Variants in ZSCAN5A observed in about 807,000 individuals in gnomAD.
The protein encoded by ZSCAN5A is zinc finger and SCAN domain-containing protein 5A.
A neutral mutation model predicts 23.7 loss-of-function variants in ZSCAN5A; 12 were observed. That is an observed-to-expected ratio of 0.51 (90% CI 0.32 to 0.82). ZSCAN5A has a LOEUF of 0.82. Ranked by LOEUF, ZSCAN5A falls within the 40% of genes least tolerant of loss-of-function variation. The pLI, the probability that ZSCAN5A is intolerant of heterozygous loss-of-function variation, is 0.03. For missense variants in ZSCAN5A, 597 were observed against 617.9 expected (o/e 0.97, Z 0.36); for synonymous variants, 257 against 239.9 (o/e 1.07, Z -0.66).
At chr19:56,238,087 C>T (rs933928070) in intron 2 of ZSCAN5A, among the ~76,000 whole-genome samples, 1 of 66,478 alleles carries the variant, frequency 1.5e-5, no homozygotes, top group African/African-American at 5.2e-5. Context: ...CAGAGACACA[C>T]CCGGACACAC....
intron 2 of ZSCAN5A, among the ~76,000 whole-genome samples, chr19:56,301,084 C>A (rs1182858755): frequency 6.6e-6 from 1 of 152,020 alleles, no homozygotes; most frequent in Non-Finnish European, 1.5e-5. Flanking sequence ...GGGTCCCGAT[C>A]AAGACCCCCA....
chr19:56,252,687 C>T (rs1005096587), intron 2 of ZSCAN5A, among the ~76,000 whole-genome samples: 16 of 152,166 alleles, frequency 1.1e-4, no homozygotes, highest in African/African-American at 3.9e-4. Context: ...TTTTAATAAT[C>T]CCAAGGAAAG....
chr19:56,224,555 G>A (rs536283125), intron 3 of ZSCAN5A, 108 bp downstream of exon 3: 2 of 1,375,132 alleles, frequency 1.5e-6, no homozygotes, highest in East Asian at 2.3e-5. Flanking sequence ...TCCTCTACTT[G>A]GAAGCCCTGA....
intron 2 of ZSCAN5A, among the ~76,000 whole-genome samples, chr19:56,239,529 G>A (rs959578837): frequency 2.6e-5 from 4 of 152,224 alleles, no homozygotes; most frequent in African/African-American, 9.6e-5. Flanking sequence ...CCGTCCTGGA[G>A]TGAGTGCAGA....
chr19:56,337,092 C>A (rs995224054), intron 2 of ZSCAN5A, among the ~76,000 whole-genome samples: 1 of 152,204 alleles, frequency 6.6e-6, no homozygotes, highest in Non-Finnish European at 1.5e-5. Flanking sequence ...CTGGGAGAAC[C>A]ACTACTCTCT....
At chr19:56,254,822 T>C (rs377087693) in intron 2 of ZSCAN5A, among the ~76,000 whole-genome samples, 13 of 152,314 alleles carry the variant, frequency 8.5e-5, no homozygotes, top group African/African-American at 2.9e-4. Flanking sequence ...CTTGTGTCTG[T>C]TGGCCATTTG....
chr19:56,238,448 T>C (rs961421645), intron 2 of ZSCAN5A, among the ~76,000 whole-genome samples: 1 of 152,232 alleles, frequency 6.6e-6, no homozygotes, highest in Non-Finnish European at 1.5e-5. Flanking sequence ...GGCAACACAG[T>C]GATACCCCCA....
At chr19:56,268,212 G>A (rs971780114) in intron 2 of ZSCAN5A, among the ~76,000 whole-genome samples, 4 of 152,224 alleles carry the variant, frequency 2.6e-5, no homozygotes, top group African/African-American at 7.2e-5. Context: ...ACTCCTTGGG[G>A]GTTGGGAAGC....
At chr19:56,318,485 T>C (rs1312413685), upstream of ZSCAN5A, among the ~76,000 whole-genome samples, 1 of 152,200 alleles carries the variant, frequency 6.6e-6, no homozygotes. Flanking sequence ...GTGCCACATA[T>C]GAAAACATGC....
chr19:56,334,989 A>C (rs2041521648), intron 2 of ZSCAN5A, among the ~76,000 whole-genome samples: 1 of 152,210 alleles, frequency 6.6e-6, no homozygotes, highest in Admixed American at 6.5e-5. Flanking sequence ...GGATAAAAAC[A>C]AACTTCACTG....
intron 2 of ZSCAN5A, chr19:56,341,127 A>T (rs2147448575): frequency 6.6e-6 from 1 of 152,334 alleles, no homozygotes; most frequent in Admixed American, 6.5e-5. Flanking sequence ...ACAAGTATCA[A>T]TAGCCAAATT....
chr19:56,306,361 C>G (rs1201427132), intron 2 of ZSCAN5A, among the ~76,000 whole-genome samples: 1 of 113,856 alleles, frequency 8.8e-6, no homozygotes, highest in East Asian at 2.7e-4. Context: ...TACAAAGAGG[C>G]TCCTCCCTGG....
chr19:56,244,094 CCT>C lies in ZSCAN5A; in HGVS notation c.-127-18923_-127-18922del, dbSNP rs1240028805. On this transcript the variant is annotated intron_variant, in intron 2 of 5. Transcript: ENST00000683990. ...GGGTCAGGGAGGACCCTGCAACAGC[CCT>C]GAGTCAGAGCCGCCACAGTCTGTGG... The C allele has an allele frequency of 1.8e-5, 25 of 1,411,436 alleles. No individual in the cohort carries two copies. In the Admixed American group the frequency reaches 4.4e-4, roughly 25 times the overall value. 87.4% of individuals were successfully genotyped at this position (1,411,436 alleles called of 1,614,324 possible). A position where few individuals can be genotyped will look rare whatever the true frequency, so the allele number is the denominator to read the frequency against.
At chr19:56,308,986 A>C (rs1247518189) in intron 2 of ZSCAN5A, among the ~76,000 whole-genome samples, 2 of 152,252 alleles carry the variant, frequency 1.3e-5, no homozygotes, top group African/African-American at 4.8e-5. Flanking sequence ...TTTTCAGGTC[A>C]TATGGTCTGT....
intron 2 of ZSCAN5A, among the ~76,000 whole-genome samples, chr19:56,307,913 A>G (rs1475048109): frequency 6.6e-6 from 1 of 152,238 alleles, no homozygotes; most frequent in Non-Finnish European, 1.5e-5. Context: ...CCTCTGCCCC[A>G]TTGATCAAGT....
intron 2 of ZSCAN5A, among the ~76,000 whole-genome samples, chr19:56,303,658 C>T (rs530045786): frequency 8.5e-5 from 13 of 152,092 alleles, no homozygotes; most frequent in South Asian, 4.1e-4. Context: ...CAGAGAAGAA[C>T]GGAACCCATA....
chr19:56,364,256 CTT>C (rs1179992933), intron 1 of ZSCAN5A, among the ~76,000 whole-genome samples: 1 of 152,174 alleles, frequency 6.6e-6, no homozygotes, highest in Non-Finnish European at 1.5e-5. Context: ...CTCTGCAGGA[CTT>C]TTTGAACCAA....
At chr19:56,328,361 T>G (rs1165330058) in intron 2 of ZSCAN5A, among the ~76,000 whole-genome samples, 3 of 152,130 alleles carry the variant, frequency 2.0e-5, no homozygotes, top group African/African-American at 7.2e-5. Context: ...AAAACATATT[T>G]GTGGCCAGGC....
At chr19:56,261,915 C>T (rs371600692) in intron 2 of ZSCAN5A, among the ~76,000 whole-genome samples, 23 of 152,230 alleles carry the variant, frequency 1.5e-4, no homozygotes, top group East Asian at 5.8e-4. Flanking sequence ...TATGGATAGA[C>T]GGATAGATTC....
Sources: allele counts gnomAD v4.1 joint callset (sites outside exome capture counted in the v4.1 genomes callset), GRCh38; gene constraint gnomAD v4.1.1; transcripts MANE v1.5; gene names NCBI Gene and HGNC (gene_info 2026-07-23, HGNC 2026-07-21).